SV2B: variants seen among roughly 807,000 people sequenced by gnomAD.
The protein encoded by SV2B is synaptic vesicle glycoprotein 2B.
In SV2B, 41 loss-of-function variants were observed where a neutral mutation model predicts 73.9. That is an observed-to-expected ratio of 0.56 (90% CI 0.43 to 0.72). SV2B has a LOEUF of 0.72. Among genes scored for constraint, SV2B ranks in the 30% least tolerant of loss-of-function variants. The probability of loss-of-function intolerance (pLI) is 0.00; values close to 1 mark genes in which losing one functional copy is unlikely to be tolerated. For synonymous variants in SV2B, 314 were observed against 314.2 expected (o/e 1.00, Z 0.01); for missense variants, 764 against 857.8 (o/e 0.89, Z 1.37).
At position 91,105,477 on chromosome 15, in the gene SV2B, C is replaced by T. The variant is rs145648434; in HGVS notation, c.-392+5114C>T. Among the ~76,000 whole-genome samples the T allele has an allele frequency of 9.9e-5, 15 of 152,236 alleles. No individual in the cohort carries two copies. Among genetic ancestry groups the T allele is most frequent in the Middle Eastern group, 3.4e-3 (1 of 294 alleles). ...GGTGGCTTATGTAGAAGGAACTGAA[C>T]GAGACAGGGTGAGCGTGGGAGAAGA... On this transcript the variant is annotated intron_variant, in intron 1 of 12. Coordinates refer to ENST00000394232, the MANE Select transcript of SV2B (RefSeq NM_001323032.3). This position sits in a 1 kb window ranked among gnomAD's most constrained non-coding sequence, Gnocchi z 5.5.
At chr15:91,202,576 A>G (rs533261875) in intron 1 of SV2B, among the ~76,000 whole-genome samples, 15 of 152,214 alleles carry the variant, frequency 9.9e-5, no homozygotes, top group Non-Finnish European at 1.2e-4. Context: ...ATACCTATAA[A>G]AAGCTGAGAA....
In SV2B at chr15:91,289,256, C is replaced by G. The variant is rs1340845131; in HGVS notation, c.1709-265C>G. Among the ~76,000 whole-genome samples the G allele has an allele frequency of 2.6e-5, 4 of 152,206 alleles. No individual in the cohort carries two copies. Among genetic ancestry groups the G allele is most frequent in the African/African-American group, 9.6e-5 (4 of 41,452 alleles). On this transcript the variant is annotated intron_variant, in intron 11 of 12. Transcript: ENST00000394232. The surrounding 1 kb of genome is among the most constrained non-coding windows in gnomAD (Gnocchi z 4.9). ...ATCTGCCCCGTCCCGTCACTCTGAG[C>G]TGGGCACCACCTTAGAGTGGTGACT...
chr15:91,192,686 G>T (rs1385286631), intron 1 of SV2B, among the ~76,000 whole-genome samples: 1 of 152,194 alleles, frequency 6.6e-6, no homozygotes. Context: ...GAAGGCAGGT[G>T]ACATTTTCTT....
At chr15:91,287,172 A>G (rs2048887714) in intron 11 of SV2B, among the ~76,000 whole-genome samples, 1 of 152,180 alleles carries the variant, frequency 6.6e-6, no homozygotes, top group Non-Finnish European at 1.5e-5. Context: ...GGCAGAATCC[A>G]GTTGGACAGT....
intron 1 of SV2B, chr15:91,101,694 G>A (rs151217884): frequency 6.6e-6 from 1 of 152,028 alleles, no homozygotes; most frequent in Non-Finnish European, 1.5e-5. Context: ...CGCTCTCTTG[G>A]TTCTTCGGTC....
intron 1 of SV2B, among the ~76,000 whole-genome samples, chr15:91,101,563 G>C (rs1335425562): frequency 2.0e-5 from 3 of 152,204 alleles, no homozygotes; most frequent in Non-Finnish European, 2.9e-5. Flanking sequence ...ATAAGTTCAT[G>C]ATGGTGTTGG....
At position 91,261,939 on chromosome 15, in the gene SV2B, C is replaced by T. The variant is rs2047922987; in HGVS notation, c.1008+1530C>T. Among the ~76,000 whole-genome samples, 1 of 152,220 alleles carries T rather than the reference C, an allele frequency of 6.6e-6. No homozygotes were observed. The highest frequency in any genetic ancestry group is 1.5e-5 in the Non-Finnish European group (1 of 68,028). ...TTTTATAACTTCCCCTACTTCAAAT[C>T]CATTTTCTCAAGGAAACCTTCCTGG... On this transcript the variant is annotated intron_variant, in intron 6 of 12. Transcript: ENST00000394232. The surrounding 1 kb of genome is among the most constrained non-coding windows in gnomAD (Gnocchi z 4.7).
At chr15:91,104,461 A>T (rs1297530489) in intron 1 of SV2B, among the ~76,000 whole-genome samples, 1 of 152,204 alleles carries the variant, frequency 6.6e-6, no homozygotes, top group East Asian at 1.9e-4. Context: ...TCTTTGTCTA[A>T]TGACAAAATT....
intron 2 of SV2B, among the ~76,000 whole-genome samples, chr15:91,237,547 T>C (rs2046835740): frequency 6.6e-6 from 1 of 152,230 alleles, no homozygotes; most frequent in African/African-American, 2.4e-5. Context: ...AGAATGTCTA[T>C]GGATGAGTCA....
intron 1 of SV2B, among the ~76,000 whole-genome samples, chr15:91,131,065 GA>G (rs943502856): frequency 6.6e-5 from 10 of 151,728 alleles, no homozygotes; most frequent in Admixed American, 5.9e-4. Context: ...GACTTTCTGA[GA>G]GAAGGCTTTC....
rs2141852841 is a variant in SV2B at position 91,301,390 on chromosome 15, G to T, written c.*8838G>T. The stretch of plus-strand genomic sequence containing the variant: ...TTTTCCATCTGACTGTCACTGGATA[G>T]TGGAATTGCTCTGATTACCGATGCC... On this transcript the variant is annotated 3_prime_UTR_variant, in exon 13 of 13. Transcript: ENST00000394232. The surrounding 1 kb of genome is among the most constrained non-coding windows in gnomAD (Gnocchi z 4.3). The T allele has an allele frequency of 6.6e-6, 1 of 152,304 alleles. No individual in the cohort carries two copies. The highest frequency in any genetic ancestry group is 2.4e-5 in the African/African-American group (1 of 41,564). 9.4% of individuals were successfully genotyped at this position (152,304 alleles called of 1,614,324 possible).
intron 12 of SV2B, 44 bp from the exon 13 acceptor site, chr15:91,292,316 GTTCATCTAA>G: frequency 6.4e-7 from 1 of 1,570,858 alleles, no homozygotes; most frequent in South Asian, 1.2e-5. Flanking sequence ...GCCCAGTCCT[GTTCATCTAA>G]TGTGGTTCAG....
At position 91,132,209 on chromosome 15, in the gene SV2B, C is replaced by T. The variant is rs1428749175; in HGVS notation, c.-392+31846C>T. ...CAAGAGCCCAGCTACAGAATCGTCTCGGGTCCAAATACCCTCTAGAAGTTT... is the reference window on the plus strand; with the variant it reads ...CAAGAGCCCAGCTACAGAATCGTCTTGGGTCCAAATACCCTCTAGAAGTTT... On this transcript the variant is annotated intron_variant, in intron 1 of 12. Transcript: ENST00000394232. The surrounding 1 kb of genome is among the most constrained non-coding windows in gnomAD (Gnocchi z 4.6). 3.9e-5 allele frequency among the ~76,000 whole-genome samples: 6 copies of T among 152,310 alleles called. No individual in the cohort carries two copies. In the East Asian group the frequency reaches 9.7e-4, roughly 25 times the overall value.
Position 91,240,194 on chromosome 15 carries a change from C to T in SV2B, c.452-11625C>T, listed in dbSNP as rs1434745002. Among the ~76,000 whole-genome samples the T allele has an allele frequency of 1.3e-5, 2 of 152,322 alleles. No individual in the cohort carries two copies. The highest frequency in any genetic ancestry group is 1.3e-4 in the Admixed American group (2 of 15,298). On this transcript the variant is annotated intron_variant, in intron 2 of 12. Transcript: ENST00000394232. This position sits in a 1 kb window ranked among gnomAD's most constrained non-coding sequence, Gnocchi z 4.6. Reference sequence around the variant, plus strand: ...AAAGATAGGCTGTTTGACTTCATATCTTGGCTACATCACTAACCCTATCAT... The same window carrying T: ...AAAGATAGGCTGTTTGACTTCATATTTTGGCTACATCACTAACCCTATCAT...
chr15:91,227,377 A>T lies in SV2B; in HGVS notation c.451+663A>T, dbSNP rs1424517681. Among the ~76,000 whole-genome samples the T allele has an allele frequency of 6.6e-6, 1 of 152,252 alleles. No individual in the cohort carries two copies. Among genetic ancestry groups the T allele is most frequent in the African/African-American group, 2.4e-5 (1 of 41,468 alleles). On this transcript the variant is annotated intron_variant, in intron 2 of 12. Coordinates refer to ENST00000394232, the MANE Select transcript of SV2B (RefSeq NM_001323032.3). This position sits in a 1 kb window ranked among gnomAD's most constrained non-coding sequence, Gnocchi z 4.5. ...AGAGCCAAGCATCAGCATCAGGCTGAGGCAGAGAGGATTTGTGAAATTAGA... is the reference window on the plus strand; with the variant it reads ...AGAGCCAAGCATCAGCATCAGGCTGTGGCAGAGAGGATTTGTGAAATTAGA...
rs1395905602 is a variant in SV2B at position 91,267,825 on chromosome 15, A to G, written c.1208+182A>G. 1.4e-5 allele frequency among the ~76,000 whole-genome samples: 2 copies of G among 147,922 alleles called. No individual in the cohort carries two copies. The highest frequency in any genetic ancestry group is 2.0e-4 in the East Asian group (1 of 5,114). On this transcript the variant is annotated intron_variant, in intron 8 of 12. Coordinates refer to ENST00000394232, the MANE Select transcript of SV2B (RefSeq NM_001323032.3). The surrounding 1 kb of genome is among the most constrained non-coding windows in gnomAD (Gnocchi z 4.3). ...AGAAACTTTTTTTTTTTTTTTTGAG[A>G]CAGAGTCTTGCTCTGCACCCAGGCT... is the stretch of plus-strand genomic sequence containing the variant.
intron 1 of SV2B, among the ~76,000 whole-genome samples, chr15:91,215,576 G>A (rs2045997749): frequency 1.3e-5 from 2 of 152,076 alleles, no homozygotes; most frequent in South Asian, 4.1e-4. Flanking sequence ...TATTTGCATA[G>A]TATAAATACA....
chr15:91,181,532 T>G (rs1003367070), intron 1 of SV2B, among the ~76,000 whole-genome samples: 4 of 151,602 alleles, frequency 2.6e-5, no homozygotes, highest in African/African-American at 7.3e-5. Context: ...GATTCAACCA[T>G]GACTCCTACA....
rs77109752 is a variant in SV2B at position 91,268,544 on chromosome 15, G to A, written c.1312G>A (p.Ala438Thr). Residue 438 changes from alanine (A) to threonine (T), a missense_variant, in exon 9 of 13, where the codon GCC becomes ACC. Ala to Thr is a moderately conservative substitution (Grantham distance 58, BLOSUM62 0). Transcript: ENST00000394232. This position sits in a 1 kb window ranked among gnomAD's most constrained non-coding sequence, Gnocchi z 4.4. Reference protein sequence around the residue: ...KVFFGEHVYGATINFTMENQI... With the variant: ...KVFFGEHVYGTTINFTMENQI... ...GTTTTTTGGTGAGCATGTGTACGGC[G>A]CCACAATCAACTTCACGATGGAAAA... 7.8e-5 allele frequency: 126 copies of A among 1,613,836 alleles called. 1 individual carries two copies. The highest frequency in any genetic ancestry group is 6.7e-4 in the African/African-American group (50 of 75,014).
Sources: gnomAD v4.1 joint callset for allele counts (sites outside exome capture counted in the v4.1 genomes callset) on GRCh38, gnomAD v4.1.1 for gene constraint, Gnocchi (gnomAD v3.1) non-coding constraint, MANE v1.5 for transcripts, NCBI Gene and HGNC (gene_info 2026-07-23, HGNC 2026-07-21) for gene names.